Variants in AGAP1 observed in about 807,000 individuals in gnomAD.
AGAP1 encodes the protein ArfGAP with GTPase domain, ankyrin repeat and PH domain 1.
AGAP1 carries 29 observed loss-of-function variants against 105.3 expected under a neutral mutation model. The ratio of observed to expected loss-of-function variants is 0.28; its 90% confidence interval spans 0.21 to 0.38. The LOEUF (loss-of-function observed/expected upper bound fraction) is 0.38, where lower values mean the gene tolerates loss of function less well. Among genes scored for constraint, AGAP1 ranks in the 10% least tolerant of loss-of-function variants. AGAP1 has a pLI of 1.00. For missense variants in AGAP1, 998 were observed against 1,165.1 expected (o/e 0.86, Z 2.09); for synonymous variants, 509 against 485.9 (o/e 1.05, Z -0.63).
chr2:235,909,405 A>AT (rs1433995909), intron 11 of AGAP1, among the ~76,000 whole-genome samples: 24 of 151,914 alleles, frequency 1.6e-4, no homozygotes, highest in South Asian at 2.1e-4. Context: ...TTTAAAGGAG[A>AT]TTTTTTTTCA....
chr2:235,811,587 C>T (rs1958143077), intron 9 of AGAP1, among the ~76,000 whole-genome samples: 2 of 152,310 alleles, frequency 1.3e-5, no homozygotes, highest in South Asian at 2.1e-4. Flanking sequence ...ATTCCCCGTC[C>T]CTGGTTCGTG....
intron 6 of AGAP1, among the ~76,000 whole-genome samples, chr2:235,785,729 A>T (rs1015528046): frequency 1.3e-5 from 2 of 152,056 alleles, no homozygotes; most frequent in Non-Finnish European, 1.5e-5. Context: ...TGTTGGTGGT[A>T]CCTTTTTCTC....
chr2:235,914,692 A>G (rs949448955), intron 11 of AGAP1, among the ~76,000 whole-genome samples: 9 of 152,216 alleles, frequency 5.9e-5, no homozygotes, highest in Admixed American at 5.9e-4. Context: ...GACTGGGCTC[A>G]GGCCACCCTC....
At chr2:235,514,611 C>T (rs994512455) in intron 1 of AGAP1, among the ~76,000 whole-genome samples, 1 of 152,272 alleles carries the variant, frequency 6.6e-6, no homozygotes, top group African/African-American at 2.4e-5. Flanking sequence ...CTGATGCCTT[C>T]ACAACCCAGC....
Position 235,893,074 on chromosome 2 carries a change from T to C in AGAP1, c.1155+9625T>C, listed in dbSNP as rs1275379394. ...AGGTGCTTGGAGCTGTCCTTTGGCC[T>C]TTCATGTGCTGTGTCTGTGGTGCGG... On this transcript the variant is annotated intron_variant, in intron 10 of 17. Coordinates refer to ENST00000304032, the MANE Select transcript of AGAP1 (RefSeq NM_001037131.3). This position sits in a 1 kb window ranked among gnomAD's most constrained non-coding sequence, Gnocchi z 4.7. Among the ~76,000 whole-genome samples the C allele has an allele frequency of 6.6e-6, 1 of 152,222 alleles. No homozygotes were observed. Among genetic ancestry groups the C allele is most frequent in the Non-Finnish European group, 1.5e-5 (1 of 68,036 alleles).
chr2:235,760,191 G>A lies in AGAP1; in HGVS notation c.673+9703G>A, dbSNP rs547044220. Among the ~76,000 whole-genome samples, 170 of 152,278 alleles carry A rather than the reference G, an allele frequency of 1.1e-3. 1 individual carries two copies. Among genetic ancestry groups the A allele is most frequent in the African/African-American group, 3.8e-3 (159 of 41,560 alleles). On this transcript the variant is annotated intron_variant, in intron 6 of 17. Transcript: ENST00000304032. The stretch of plus-strand genomic sequence containing the variant: ...AGGTCAAGAGTTTGAGACCAGCCTG[G>A]CCAACATGCCGAAACCCCCCTCTCT...
intron 1 of AGAP1, among the ~76,000 whole-genome samples, chr2:235,530,191 C>T (rs182764306): frequency 6.6e-6 from 1 of 152,240 alleles, no homozygotes; most frequent in East Asian, 1.9e-4. Flanking sequence ...ACGAACTGAC[C>T]AGAGCCAGCT....
In AGAP1 at chr2:235,842,472, C is replaced by A. The variant is rs553238788; in HGVS notation, c.1050+35141C>A. Among the ~76,000 whole-genome samples the A allele has an allele frequency of 1.3e-5, 2 of 152,314 alleles. No homozygotes were observed. The highest frequency in any genetic ancestry group is 4.1e-4 in the South Asian group (2 of 4,830). On this transcript the variant is annotated intron_variant, in intron 9 of 17. Transcript: ENST00000304032. This position sits in a 1 kb window ranked among gnomAD's most constrained non-coding sequence, Gnocchi z 5.3. ...GCAATGGAAGGTACTAGGTCTGCCA[C>A]TGGGTCTCAGTGCATTAATAAAGCA...
chr2:236,025,014 G>T (rs1303802930), intron 13 of AGAP1, among the ~76,000 whole-genome samples: 3 of 152,168 alleles, frequency 2.0e-5, no homozygotes, highest in Non-Finnish European at 4.4e-5. Flanking sequence ...CAGGCTTTGG[G>T]GTGTGGTGGC....
At chr2:236,049,470 C>T in intron 16 of AGAP1, 189 bp downstream of exon 16, 1 of 536,020 alleles carries the variant, frequency 1.9e-6, no homozygotes, top group South Asian at 3.0e-5. Context: ...AATTCACACT[C>T]CTTAATTTTT....
At chr2:235,932,139 T>C (rs2052754009) in intron 12 of AGAP1, among the ~76,000 whole-genome samples, 1 of 152,212 alleles carries the variant, frequency 6.6e-6, no homozygotes, top group Non-Finnish European at 1.5e-5. Context: ...TTTACTCTCT[T>C]TGTAACCACT....
chr2:236,094,455 G>A (rs529082133), intron 16 of AGAP1, among the ~76,000 whole-genome samples: 12 of 151,336 alleles, frequency 7.9e-5, no homozygotes, highest in East Asian at 2.0e-4. Flanking sequence ...GGGATCAAGC[G>A]ATCCTCCCAC....
Position 235,557,567 on chromosome 2 carries a change from T to C in AGAP1, c.163+62718T>C, listed in dbSNP as rs1377858561. Among the ~76,000 whole-genome samples the C allele has an allele frequency of 3.3e-5, 5 of 152,200 alleles. No individual in the cohort carries two copies. The highest frequency in any genetic ancestry group is 9.7e-5 in the African/African-American group (4 of 41,448). On this transcript the variant is annotated intron_variant, in intron 1 of 17. Transcript: ENST00000304032. The surrounding 1 kb of genome is among the most constrained non-coding windows in gnomAD (Gnocchi z 4.7). ...GTCAGTGAACATTTATTGGCCTTTT[T>C]TTCTGTGCCAATAACTCTCAGTGCT...
At position 235,729,429 on chromosome 2, in the gene AGAP1, C is replaced by A. The variant is rs544801104; in HGVS notation, c.311-11534C>A. Among the ~76,000 whole-genome samples the A allele has an allele frequency of 8.9e-4, 135 of 152,250 alleles. No homozygotes were observed. Among genetic ancestry groups the A allele is most frequent in the African/African-American group, 2.7e-3 (111 of 41,502 alleles). ...CAGAGGCAGGAGGTTCCTGGAAGAA[C>A]CACTGGGCCTTGCAGGGTCAGCTCA... On this transcript the variant is annotated intron_variant, in intron 3 of 17. Coordinates refer to ENST00000304032, the MANE Select transcript of AGAP1 (RefSeq NM_001037131.3). This position sits in a 1 kb window ranked among gnomAD's most constrained non-coding sequence, Gnocchi z 5.0.
Position 235,882,509 on chromosome 2 carries a change from G to A in AGAP1, c.1051-836G>A, listed in dbSNP as rs947967918. ...TGTCTGCCATTTTCTTAAAACAATCGGTACCATCCGTGGCGGGCTCTTAGC... is the reference window on the plus strand; with the variant it reads ...TGTCTGCCATTTTCTTAAAACAATCAGTACCATCCGTGGCGGGCTCTTAGC... On this transcript the variant is annotated intron_variant, in intron 9 of 17. Transcript: ENST00000304032. This position sits in a 1 kb window ranked among gnomAD's most constrained non-coding sequence, Gnocchi z 4.6. 1.3e-5 allele frequency: 19 copies of A among 1,434,588 alleles called. No homozygotes were observed. The highest frequency in any genetic ancestry group is 5.7e-5 in the African/African-American group (4 of 70,628). 88.9% of individuals were successfully genotyped at this position (1,434,588 alleles called of 1,614,324 possible).
rs149940862 is a variant in AGAP1 at position 235,776,322 on chromosome 2, C to T, written c.674-21437C>T. Among the ~76,000 whole-genome samples the T allele has an allele frequency of 1.4e-3, 219 of 152,244 alleles. 2 individuals are homozygous for T. Among genetic ancestry groups the T allele is most frequent in the East Asian group, 3.9e-4 (2 of 5,176 alleles). On this transcript the variant is annotated intron_variant, in intron 6 of 17. Coordinates refer to ENST00000304032, the MANE Select transcript of AGAP1 (RefSeq NM_001037131.3). ...TCTCTCCCCCTACCTACTGCCCATTCGGAAGTCCAGGCCTCCTCCTCAGTC... is the reference window on the plus strand; with the variant it reads ...TCTCTCCCCCTACCTACTGCCCATTTGGAAGTCCAGGCCTCCTCCTCAGTC...
rs1283145645 is a variant in AGAP1 at position 236,005,986 on chromosome 2, CT to C, written c.1646-30574del. The stretch of plus-strand genomic sequence containing the variant: ...CTTAAGGAGTTGGGCGTTAGACCCC[CT>C]GTCCTTGAGGGTGGGGTGTCTATGT... On this transcript the variant is annotated intron_variant, in intron 13 of 17. Transcript: ENST00000304032. This position sits in a 1 kb window ranked among gnomAD's most constrained non-coding sequence, Gnocchi z 4.1. 6.6e-6 allele frequency among the ~76,000 whole-genome samples: 1 copy of C among 152,184 alleles called. No homozygotes were observed. Among genetic ancestry groups the C allele is most frequent in the Non-Finnish European group, 1.5e-5 (1 of 68,020 alleles).
At chr2:235,956,281 TAATTTA>T (rs1373910833) in intron 12 of AGAP1, among the ~76,000 whole-genome samples, 4 of 152,344 alleles carry the variant, frequency 2.6e-5, no homozygotes, top group African/African-American at 7.2e-5. Context: ...TTCACCGTAT[TAATTTA>T]AACTTTGTGC....
At chr2:235,916,966 T>C (rs2051915746) in intron 11 of AGAP1, among the ~76,000 whole-genome samples, 1 of 152,232 alleles carries the variant, frequency 6.6e-6, no homozygotes, top group African/African-American at 2.4e-5. Flanking sequence ...TCCATGGAGC[T>C]GTCTGCTCCA....
Sources: allele counts gnomAD v4.1 joint callset (sites outside exome capture counted in the v4.1 genomes callset), GRCh38; gene constraint gnomAD v4.1.1; non-coding constraint Gnocchi (gnomAD v3.1); transcripts MANE v1.5; gene names NCBI Gene and HGNC (gene_info 2026-07-23, HGNC 2026-07-21).